The following EFCAB10 variants were observed in gnomAD, a reference collection of about 807,000 sequenced individuals.
EFCAB10 encodes the protein EF-hand calcium-binding domain-containing protein 10.
Under a neutral mutation model 7.7 loss-of-function variants are expected in EFCAB10, and 7 were observed. The observed-to-expected ratio is 0.91, with a 90% confidence interval of 0.52 to 1.72. The LOEUF (loss-of-function observed/expected upper bound fraction) is 1.72. Among genes scored for constraint, EFCAB10 ranks in the 40% most tolerant of loss-of-function variants. EFCAB10 has a pLI of 0.00. For synonymous variants in EFCAB10, 52 were observed against 21.0 expected (o/e 2.47, Z -4.03); for missense variants, 112 against 61.5 (o/e 1.82, Z -2.74).
Position 105,579,362 on chromosome 7 carries a change from T to C in EFCAB10, c.106+1996A>G, listed in dbSNP as rs374195869. ...AGACACACAGCTGGGGGTACGGGGT[T>C]TGGGTGGTGGTGGTGGGGGTAATTA... On this transcript the variant is annotated intron_variant, in intron 1 of 4. Coordinates refer to ENST00000480514, the MANE Select transcript of EFCAB10 (RefSeq NM_001355526.2). 4.6e-5 allele frequency among the ~76,000 whole-genome samples: 7 copies of C among 151,854 alleles called. No individual in the cohort carries two copies. In the East Asian group the frequency reaches 1.4e-3, roughly 29 times the overall value.
At chr7:105,574,533 G>A (rs1418582807) in intron 1 of EFCAB10, among the ~76,000 whole-genome samples, 3 of 151,768 alleles carry the variant, frequency 2.0e-5, no homozygotes, top group South Asian at 2.1e-4. Flanking sequence ...TGCCCAGGCT[G>A]GAGTGCAGAG....
intron 1 of EFCAB10, among the ~76,000 whole-genome samples, chr7:105,578,930 G>A (rs1013074962): frequency 6.6e-6 from 1 of 152,068 alleles, no homozygotes; most frequent in Non-Finnish European, 1.5e-5. Flanking sequence ...ATGCCACCAT[G>A]CCTGGCTAAT....
At position 105,565,559 on chromosome 7, in the gene EFCAB10, A is replaced by C. The variant is rs1586273242; in HGVS notation, c.*-112T>G. 3 of 1,613,956 alleles carry C rather than the reference A, an allele frequency of 1.9e-6. No individual in the cohort carries two copies. In the African/African-American group the frequency reaches 4.0e-5, roughly 22 times the overall value. On this transcript the variant is annotated intron_variant, in intron 4 of 4. Coordinates refer to ENST00000480514, the MANE Select transcript of EFCAB10 (RefSeq NM_001355526.2). ...TTCTTGCTAATCACTTCAATGAAGGAGGAGCAGCCCAGCTGCAGTTTGATA... is the reference window on the plus strand; with the variant it reads ...TTCTTGCTAATCACTTCAATGAAGGCGGAGCAGCCCAGCTGCAGTTTGATA...
In EFCAB10 at chr7:105,565,468, A is replaced by G. The variant is rs762443021; in HGVS notation, c.*-21T>C. ...TACATCTACCAAGAAGTAAGTAAGA[A>G]TAGACTGTTTTTGGGCTGTGATAAT... On this transcript the variant is annotated intron_variant, in intron 4 of 4. Coordinates refer to ENST00000480514, the MANE Select transcript of EFCAB10 (RefSeq NM_001355526.2). The G allele has an allele frequency of 1.9e-6, 3 of 1,612,678 alleles. No homozygotes were observed. In the African/African-American group the frequency reaches 4.0e-5, roughly 22 times the overall value.
Position 105,580,553 on chromosome 7 carries a change from C to CT in EFCAB10, c.106+804dup, listed in dbSNP as rs368271725. 6.1e-3 allele frequency among the ~76,000 whole-genome samples: 928 copies of CT among 151,286 alleles called. 9 individuals carry two copies. Among genetic ancestry groups the CT allele is most frequent in the African/African-American group, 0.019 (776 of 41,220 alleles). Reference sequence around the variant, plus strand: ...GCAGTGGCGCCATCTCGTGCCCGGCCTTTTTTTTTCTTTCTAATATTTGTT... The same window carrying CT: ...GCAGTGGCGCCATCTCGTGCCCGGCCTTTTTTTTTTCTTTCTAATATTTGTT... On this transcript the variant is annotated intron_variant, in intron 1 of 4. Transcript: ENST00000480514.
intron 1 of EFCAB10, among the ~76,000 whole-genome samples, chr7:105,573,949 C>CA (rs1792007194): frequency 6.6e-6 from 1 of 151,938 alleles, no homozygotes; most frequent in African/African-American, 2.4e-5. Context: ...TTTACTCTAC[C>CA]ACTCCCACAG....
chr7:105,576,035 C>T (rs548853566), intron 1 of EFCAB10, among the ~76,000 whole-genome samples: 31 of 152,014 alleles, frequency 2.0e-4, no homozygotes, highest in African/African-American at 7.2e-4. Flanking sequence ...GAAACTCCGT[C>T]TCAACAAAAA....
Position 105,567,496 on chromosome 7 carries a change from GAAACAA to G in EFCAB10, c.360-12_360-7del. ...TTTCCTTCATCCTCTTGTTCCTAAG[GAAACAA>G]AAACAGAAAACGAAACAATGAAAAC... On this transcript the variant is annotated splice_region_variant and splice_polypyrimidine_tract_variant and intron_variant, in intron 3 of 4. Coordinates refer to ENST00000480514, the MANE Select transcript of EFCAB10 (RefSeq NM_001355526.2). The G allele has an allele frequency of 1.4e-6, 1 of 700,032 alleles. No homozygotes were observed. Among genetic ancestry groups the G allele is most frequent in the Non-Finnish European group, 2.6e-6 (1 of 388,528 alleles). 43.4% of individuals were successfully genotyped at this position (700,032 alleles called of 1,614,324 possible).
intron 1 of EFCAB10, 119 bp downstream of exon 1, chr7:105,581,239 C>T (rs891357987): frequency 1.6e-6 from 1 of 636,868 alleles, no homozygotes; most frequent in African/African-American, 1.8e-5. Context: ...AGTTAATCAA[C>T]AGCAGAAGGG....
chr7:105,579,342 C>G (rs1057293477), intron 1 of EFCAB10, among the ~76,000 whole-genome samples: 1 of 152,076 alleles, frequency 6.6e-6, no homozygotes. Context: ...CAGGAAGACA[C>G]ACAGCTGGGG....
Position 105,570,893 on chromosome 7 carries a change from C to T in EFCAB10, c.107-1322G>A, listed in dbSNP as rs79507349. ...ACAAAAACTTAGCCGGGCGTGGTGA[C>T]GGGTGCCTGTAGTCCCAGCTACTCG... On this transcript the variant is annotated intron_variant, in intron 1 of 4. Coordinates refer to ENST00000480514, the MANE Select transcript of EFCAB10 (RefSeq NM_001355526.2). Among the ~76,000 whole-genome samples, 1,191 of 151,992 alleles carry T rather than the reference C, an allele frequency of 7.8e-3. 17 individuals carry two copies. The highest frequency in any genetic ancestry group is 0.035 in the East Asian group (182 of 5,166).
chr7:105,579,309 G>C (rs1317147333), intron 1 of EFCAB10, among the ~76,000 whole-genome samples: 1 of 152,152 alleles, frequency 6.6e-6, no homozygotes, highest in African/African-American at 2.4e-5. Context: ...TAACCACTGT[G>C]TAGCTATCAG....
intron 1 of EFCAB10, among the ~76,000 whole-genome samples, chr7:105,574,646 G>A (rs190244214): frequency 1.6e-3 from 244 of 151,584 alleles, no homozygotes; most frequent in African/African-American, 3.3e-3. Context: ...CACCATGCCC[G>A]GCTAATTTTT....
intron 3 of EFCAB10, chr7:105,567,769 T>A (rs890869519): frequency 1.1e-5 from 4 of 349,386 alleles, no homozygotes; most frequent in Admixed American, 4.5e-5. Context: ...CAGTGTCTCA[T>A]GCCTGTAATC....
chr7:105,567,426 T>G (rs375594864), intron 4 of EFCAB10, 41 bp downstream of exon 4: 2 of 771,804 alleles, frequency 2.6e-6, no homozygotes, highest in South Asian at 3.0e-5. Context: ...TTTATAGAAT[T>G]ACTTATTATC....
rs1441555223 is a variant in EFCAB10 at position 105,567,283 on chromosome 7, G to A, written c.383+184C>T. Reference sequence around the variant, plus strand: ...GATGTTGAGATTCTACTTAATTTGAGGACAAATTGGCCTAATACTGGAAAA... The same window carrying A: ...GATGTTGAGATTCTACTTAATTTGAAGACAAATTGGCCTAATACTGGAAAA... On this transcript the variant is annotated intron_variant, in intron 4 of 4. Coordinates refer to ENST00000480514, the MANE Select transcript of EFCAB10 (RefSeq NM_001355526.2). The A allele has an allele frequency of 1.9e-6, 3 of 1,606,500 alleles. No homozygotes were observed. In the East Asian group the frequency reaches 6.7e-5, roughly 36 times the overall value.
At chr7:105,578,826 G>C (rs561270287) in intron 1 of EFCAB10, among the ~76,000 whole-genome samples, 9 of 152,314 alleles carry the variant, frequency 5.9e-5, no homozygotes, top group Admixed American at 2.0e-4. Flanking sequence ...AGGCTGGAGT[G>C]CAACAGTGAA....
At position 105,581,443 on chromosome 7, in the gene EFCAB10, C is replaced by A. The variant is rs984980639; in HGVS notation, c.21G>T (p.Glu7Asp). The A allele has an allele frequency of 1.3e-5, 9 of 703,014 alleles. No individual in the cohort carries two copies. The highest frequency in any genetic ancestry group is 2.1e-5 in the Non-Finnish European group (8 of 385,008). 43.5% of individuals were successfully genotyped at this position (703,014 alleles called of 1,614,324 possible). METSSR[E>D]LQAAEYLEKH... is the part of the protein sequence containing the mutation. ...TTTCCAAATACTCCGCGGCTTGGAG[C>A]TCCCTGCTGCTGGTCTCCATCGCTC... The change falls in exon 1 of 5, where the codon GAG (glutamate) becomes GAT (aspartate). Residue 7 changes from glutamate (E) to aspartate (D), a missense_variant. Glu to Asp is a conservative substitution (Grantham distance 45). Coordinates refer to ENST00000480514, the MANE Select transcript of EFCAB10 (RefSeq NM_001355526.2).
In EFCAB10 at chr7:105,569,545, G is replaced by T. The variant is rs1344986876; in HGVS notation, c.133C>A (p.Leu45Ile). The T allele has an allele frequency of 1.4e-6, 1 of 697,790 alleles. No homozygotes were observed. The highest frequency in any genetic ancestry group is 2.6e-6 in the Non-Finnish European group (1 of 383,880). The allele number at this position is 697,790 out of a possible 1,614,324, so 43.2% of individuals were successfully genotyped here. A position where few individuals can be genotyped will look rare whatever the true frequency, so the allele number is the denominator to read the frequency against. The change falls in exon 2 of 5, where the codon CTA becomes ATA. Residue 45 changes from leucine (L) to isoleucine (I), a missense_variant. Physicochemically the swap from Leu to Ile is conservative, Grantham distance 5. Coordinates refer to ENST00000480514, the MANE Select transcript of EFCAB10 (RefSeq NM_001355526.2). Reference sequence around the variant, plus strand: ...TTTGCAATTCTCAGTCGTTCCAATAGAGATATTAAATATTCTTTTGGTTTT... The same window carrying T: ...TTTGCAATTCTCAGTCGTTCCAATATAGATATTAAATATTCTTTTGGTTTT... ...PEKPKEYLIS[L>I]LERLRIAKVT...
Sources: gnomAD v4.1 joint callset for allele counts (sites outside exome capture counted in the v4.1 genomes callset) on GRCh38, gnomAD v4.1.1 for gene constraint, MANE v1.5 for transcripts, NCBI Gene and HGNC (gene_info 2026-07-23, HGNC 2026-07-21) for gene names.